GARRE1: variants seen among roughly 807,000 people sequenced by gnomAD.
The protein encoded by GARRE1 is granule associated Rac and RHOG effector protein 1.
A neutral mutation model predicts 103.2 loss-of-function variants in GARRE1; 49 were observed. The observed-to-expected ratio is 0.47, with a 90% CI of 0.38 to 0.60. The LOEUF is 0.60. Ranked by LOEUF, GARRE1 falls within the 20% of genes least tolerant of loss-of-function variation. The probability of loss-of-function intolerance (pLI) is 0.00; values close to 1 mark genes in which losing one functional copy is unlikely to be tolerated. For synonymous variants in GARRE1, 505 were observed against 532.8 expected (o/e 0.95, Z 0.72); for missense variants, 1,199 against 1,370.5 (o/e 0.87, Z 1.98).
At chr19:34,291,618 A>G (rs1441792635) in intron 1 of GARRE1, among the ~76,000 whole-genome samples, 1 of 152,162 alleles carries the variant, frequency 6.6e-6, no homozygotes, top group African/African-American at 2.4e-5. Flanking sequence ...TCACTCTCAC[A>G]ATAAATTAAA....
At chr19:34,259,399 AT>A (rs1362639148) in intron 1 of GARRE1, among the ~76,000 whole-genome samples, 1 of 152,224 alleles carries the variant, frequency 6.6e-6, no homozygotes, top group Non-Finnish European at 1.5e-5. Flanking sequence ...GACCCAGTGA[AT>A]TTACTCAAGA....
At chr19:34,347,600 C>T (rs1055838797) in intron 10 of GARRE1, among the ~76,000 whole-genome samples, 2 of 152,164 alleles carry the variant, frequency 1.3e-5, no homozygotes, top group African/African-American at 2.4e-5. Context: ...CCATTTTTCT[C>T]TCTTTTTGTT....
chr19:34,262,383 C>T (rs2073724437), intron 1 of GARRE1, among the ~76,000 whole-genome samples: 1 of 147,828 alleles, frequency 6.8e-6, no homozygotes, highest in Non-Finnish European at 1.5e-5. Context: ...GCAACCTCCA[C>T]CTCCTGGGTC....
At chr19:34,285,861 G>A (rs2073882926) in intron 1 of GARRE1, among the ~76,000 whole-genome samples, 1 of 152,136 alleles carries the variant, frequency 6.6e-6, no homozygotes, top group Non-Finnish European at 1.5e-5. Context: ...ATCTGCACAG[G>A]AACACCAGAT....
Position 34,319,896 on chromosome 19 carries a change from T to G in GARRE1, c.496-11T>G. The G allele has an allele frequency of 6.2e-7, 1 of 1,613,500 alleles. No individual in the cohort carries two copies. The highest frequency in any genetic ancestry group is 8.5e-7 in the Non-Finnish European group (1 of 1,179,356). On this transcript the variant is annotated splice_polypyrimidine_tract_variant and intron_variant, in intron 2 of 13. Transcript: ENST00000299505. ...ACAACCTAAACATCCCTGGCTGTCTTGTTTTCACAGGTGTTGGGGCGATGT... is the reference window on the plus strand; with the variant it reads ...ACAACCTAAACATCCCTGGCTGTCTGGTTTTCACAGGTGTTGGGGCGATGT...
chr19:34,280,605 C>T (rs2073845895), intron 1 of GARRE1, among the ~76,000 whole-genome samples: 1 of 152,046 alleles, frequency 6.6e-6, no homozygotes, highest in Admixed American at 6.6e-5. Flanking sequence ...GTGTCCTATC[C>T]AAGAAATTAT....
At chr19:34,269,147 C>T (rs935660583) in intron 1 of GARRE1, among the ~76,000 whole-genome samples, 2 of 152,154 alleles carry the variant, frequency 1.3e-5, no homozygotes, top group African/African-American at 2.4e-5. Context: ...TCTTCAGAAC[C>T]GCTAATGATA....
In GARRE1 at chr19:34,338,269, C is replaced by T. The variant is rs1319221653; in HGVS notation, c.1362-1598C>T. Among the ~76,000 whole-genome samples, 3 of 152,196 alleles carry T rather than the reference C, an allele frequency of 2.0e-5. No individual in the cohort carries two copies. In the East Asian group the frequency reaches 5.8e-4, roughly 29 times the overall value. ...AAGGGCTCTTGGCCAGACCAAGTGG[C>T]TCACACCCGTAATCCTAGCACTTTG... On this transcript the variant is annotated intron_variant, in intron 8 of 13. Transcript: ENST00000299505.
At chr19:34,297,530 A>G (rs1361176598) in intron 1 of GARRE1, among the ~76,000 whole-genome samples, 1 of 152,204 alleles carries the variant, frequency 6.6e-6, no homozygotes, top group Non-Finnish European at 1.5e-5. Context: ...TAGAGGAACT[A>G]GGAAGCTGGT....
At chr19:34,264,564 A>G (rs1051818390) in intron 1 of GARRE1, among the ~76,000 whole-genome samples, 3 of 151,932 alleles carry the variant, frequency 2.0e-5, no homozygotes, top group Non-Finnish European at 4.4e-5. Flanking sequence ...ATGCCTGGCT[A>G]ATTTTTTGTA....
In GARRE1 at chr19:34,333,682, T is replaced by G. The variant is rs1173577459; in HGVS notation, c.1264-22T>G. On this transcript the variant is annotated intron_variant, in intron 7 of 13. Transcript: ENST00000299505. Reference sequence around the variant, plus strand: ...CTGAAAGCTGGTTGTTATTTGTTTTTTTTTTTTTTTTTCGATCTTAGGTGG... The same window carrying G: ...CTGAAAGCTGGTTGTTATTTGTTTTGTTTTTTTTTTTTCGATCTTAGGTGG... 4.9e-6 allele frequency: 6 copies of G among 1,233,460 alleles called. No homozygotes were observed. In the East Asian group the frequency reaches 7.0e-5, roughly 14 times the overall value. 76.4% of individuals were successfully genotyped at this position (1,233,460 alleles called of 1,614,324 possible).
chr19:34,354,203 G>A lies in GARRE1; in HGVS notation c.*1248G>A, dbSNP rs2074257078. The A allele has an allele frequency of 6.6e-6, 1 of 152,280 alleles. No homozygotes were observed. The highest frequency in any genetic ancestry group is 1.5e-5 in the Non-Finnish European group (1 of 68,008). 9.4% of individuals were successfully genotyped at this position (152,280 alleles called of 1,614,324 possible). On this transcript the variant is annotated 3_prime_UTR_variant, in exon 14 of 14. Coordinates refer to ENST00000299505, the MANE Select transcript of GARRE1 (RefSeq NM_014686.5). Reference sequence around the variant, plus strand: ...ATAATATTTTCTGGTATGAAAGTTTGACAGTATTAATATTTTTTTTATATT... The same window carrying A: ...ATAATATTTTCTGGTATGAAAGTTTAACAGTATTAATATTTTTTTTATATT...
chr19:34,315,824 G>A (rs575325237), intron 2 of GARRE1, among the ~76,000 whole-genome samples: 1 of 151,804 alleles, frequency 6.6e-6, no homozygotes, highest in African/African-American at 2.4e-5. Context: ...AAAAGAAAAG[G>A]TATTCTGGTT....
chr19:34,344,972 A>G lies in GARRE1; in HGVS notation c.2521+2517A>G, dbSNP rs528379289. Among the ~76,000 whole-genome samples the G allele has an allele frequency of 8.5e-5, 13 of 152,096 alleles. No individual in the cohort carries two copies. The South Asian group carries it at 2.7e-3, about 32-fold the overall frequency. On this transcript the variant is annotated intron_variant, in intron 10 of 13. Transcript: ENST00000299505. ...TCCTGCCTCAGCCTCCTGAGTAGCTAGGACTACAGGCGCACGCTACCATGC... is the reference window on the plus strand; with the variant it reads ...TCCTGCCTCAGCCTCCTGAGTAGCTGGGACTACAGGCGCACGCTACCATGC...
chr19:34,300,190 A>T lies in GARRE1; in HGVS notation c.-284A>T. On this transcript the variant is annotated 5_prime_UTR_variant, in exon 2 of 14. Transcript: ENST00000299505. ...GAAGTAAACATTTTTCTCAGCAAGCATATCCTTTTAGTAAGAGAGTGGAAT... is the reference window on the plus strand; with the variant it reads ...GAAGTAAACATTTTTCTCAGCAAGCTTATCCTTTTAGTAAGAGAGTGGAAT... The T allele has an allele frequency of 2.8e-6, 1 of 357,904 alleles. No homozygotes were observed. 22.2% of individuals were successfully genotyped at this position (357,904 alleles called of 1,614,324 possible).
chr19:34,315,710 C>CAAAAAAAAAAAAAAAAAAA lies in GARRE1; in HGVS notation c.496-4193_496-4175dup, dbSNP rs35321775. ...TGGGCAACAGAGCAAGACTCTGTCT[C>CAAAAAAAAAAAAAAAAAAA]AAAAAAAAAAAAAAAAAAAAAAGGG... On this transcript the variant is annotated intron_variant, in intron 2 of 13. Transcript: ENST00000299505. 3.2e-5 allele frequency among the ~76,000 whole-genome samples: 2 copies of CAAAAAAAAAAAAAAAAAAA among 62,554 alleles called. 1 individual carries two copies. The highest frequency in any genetic ancestry group is 5.6e-5 in the Non-Finnish European group (2 of 35,842). 41.0% of individuals were successfully genotyped at this position (62,554 alleles called of 152,430 possible).
intron 2 of GARRE1, among the ~76,000 whole-genome samples, chr19:34,311,811 A>C (rs1052023991): frequency 1.3e-5 from 2 of 151,818 alleles, no homozygotes; most frequent in African/African-American, 2.4e-5. Flanking sequence ...GGGTTTCACC[A>C]TGTTGGTCAG....
In GARRE1 at chr19:34,352,975, CCTGCCTG is replaced by C; in HGVS notation, c.*22_*28del. On this transcript the variant is annotated 3_prime_UTR_variant, in exon 14 of 14. Transcript: ENST00000299505. ...TACTGACCCCAGGCCAGCCAGCCTG[CCTGCCTG>C]CCTGCCTGCCCGCCCAGAGCTGTGG... 1 of 597,450 alleles carries C rather than the reference CCTGCCTG, an allele frequency of 1.7e-6. No individual in the cohort carries two copies. Among genetic ancestry groups the C allele is most frequent in the Non-Finnish European group, 2.0e-6 (1 of 507,020 alleles). 37.0% of individuals were successfully genotyped at this position (597,450 alleles called of 1,614,324 possible).
chr19:34,264,825 G>A lies in GARRE1; in HGVS notation c.-796+10211G>A, dbSNP rs549402043. 8.5e-5 allele frequency among the ~76,000 whole-genome samples: 13 copies of A among 152,296 alleles called. No individual in the cohort carries two copies. The South Asian group carries it at 1.0e-3, about 12-fold the overall frequency. On this transcript the variant is annotated intron_variant, in intron 1 of 13. Transcript: ENST00000299505. ...GCCTTGATGTTTGGAATGGCTATGAGGTGTTCTGTGTGACGTATTTAACAA... is the reference window on the plus strand; with the variant it reads ...GCCTTGATGTTTGGAATGGCTATGAAGTGTTCTGTGTGACGTATTTAACAA...
Sources: gnomAD v4.1 joint callset for allele counts (sites outside exome capture counted in the v4.1 genomes callset) on GRCh38, gnomAD v4.1.1 for gene constraint, MANE v1.5 for transcripts, NCBI Gene and HGNC (gene_info 2026-07-23, HGNC 2026-07-21) for gene names.